RAB20: variants seen among roughly 807,000 people sequenced by gnomAD.
RAB20 encodes the protein ras-related protein Rab-20.
In RAB20, 2 loss-of-function variants were observed where a neutral mutation model predicts 3.7. The observed-to-expected ratio is 0.54, with a 90% CI of 0.22 to 1.69. The LOEUF (loss-of-function observed/expected upper bound fraction) is 1.69. Among genes scored for constraint, RAB20 ranks in the 40% most tolerant of loss-of-function variants. RAB20 has a pLI of 0.19. For synonymous variants in RAB20, 126 were observed against 130.8 expected (o/e 0.96, Z 0.25); for missense variants, 276 against 311.9 (o/e 0.88, Z 0.87).
intron 1 of RAB20, among the ~76,000 whole-genome samples, chr13:110,544,664 G>A (rs547753395): frequency 6.6e-5 from 10 of 152,318 alleles, no homozygotes; most frequent in African/African-American, 1.7e-4. Flanking sequence ...GCAGACAGAC[G>A]GGAATACTGG....
intron 1 of RAB20, among the ~76,000 whole-genome samples, chr13:110,536,507 C>T (rs1222138136): frequency 6.6e-6 from 1 of 152,114 alleles, no homozygotes; most frequent in African/African-American, 2.4e-5. Context: ...CGAGGAAAGC[C>T]GGGGAAGAAT....
At position 110,523,678 on chromosome 13, in the gene RAB20, C is replaced by A. The variant is rs1594126204; in HGVS notation, c.692G>T (p.Gly231Val). The change falls in exon 2 of 2, where the codon GGG (glycine) becomes GTG (valine). Residue 231 changes from glycine (G) to valine (V), a missense_variant. Gly to Val is a moderately radical substitution (Grantham distance 109). Coordinates refer to ENST00000267328, the MANE Select transcript of RAB20 (RefSeq NM_017817.3). The stretch of plus-strand genomic sequence containing the variant: ...GGCCCTCGAAAGTCAGGCACAACAC[C>A]CAGATCTGGTCCTCTTGGGTGGCTT... ...SHKPPKRTRSGCCA is the reference protein window; with the variant it reads ...SHKPPKRTRSVCCA 6.2e-7 allele frequency: 1 copy of A among 1,613,556 alleles called. No homozygotes were observed. Among genetic ancestry groups the A allele is most frequent in the East Asian group, 2.2e-5 (1 of 44,864 alleles).
chr13:110,540,128 C>T (rs1045691930), intron 1 of RAB20, among the ~76,000 whole-genome samples: 2 of 152,230 alleles, frequency 1.3e-5, no homozygotes, highest in Non-Finnish European at 2.9e-5. Flanking sequence ...AACCAAATTA[C>T]TCAGAGATGT....
chr13:110,543,644 T>C (rs1884802917), intron 1 of RAB20, among the ~76,000 whole-genome samples: 1 of 152,230 alleles, frequency 6.6e-6, no homozygotes, highest in African/African-American at 2.4e-5. Context: ...GCTTTTGTTC[T>C]CTGTGCTTTC....
chr13:110,558,574 G>A (rs1885078786), intron 1 of RAB20, among the ~76,000 whole-genome samples: 1 of 151,648 alleles, frequency 6.6e-6, no homozygotes, highest in Admixed American at 6.6e-5. Flanking sequence ...AGTAGACACG[G>A]GTTCACCACA....
intron 1 of RAB20, among the ~76,000 whole-genome samples, chr13:110,561,138 C>A (rs1008636482): frequency 6.6e-6 from 1 of 152,226 alleles, no homozygotes; most frequent in Non-Finnish European, 1.5e-5. Flanking sequence ...GGGTTCTCTG[C>A]AACTTGGGTT....
chr13:110,536,725 G>T lies in RAB20; in HGVS notation c.173-12528C>A, dbSNP rs1309883819. 6.3e-3 allele frequency among the ~76,000 whole-genome samples: 440 copies of T among 70,176 alleles called. 52 individuals carry two copies. Among genetic ancestry groups the T allele is most frequent in the Middle Eastern group, 0.011 (2 of 182 alleles). The allele number at this position is 70,176 out of a possible 152,430, so 46.0% of individuals were successfully genotyped here. On this transcript the variant is annotated intron_variant, in intron 1 of 1. Transcript: ENST00000267328. ...ATATCTAAAATGGCTTTTTTTTGGG[G>T]CGGTGGGGGGGGGTTGTTTTTATGT...
intron 1 of RAB20, among the ~76,000 whole-genome samples, chr13:110,529,382 C>T (rs950757232): frequency 2.6e-5 from 4 of 152,162 alleles, no homozygotes; most frequent in African/African-American, 9.7e-5. Flanking sequence ...CTTCAAAGTC[C>T]CTCTCCCTGG....
At chr13:110,560,077 T>C (rs1401995740) in intron 1 of RAB20, among the ~76,000 whole-genome samples, 3 of 152,032 alleles carry the variant, frequency 2.0e-5, no homozygotes, top group East Asian at 1.9e-4. Flanking sequence ...CAGAAGCAAA[T>C]TGGGTTCGTG....
At chr13:110,536,773 T>C (rs1884649170) in intron 1 of RAB20, among the ~76,000 whole-genome samples, 1 of 101,660 alleles carries the variant, frequency 9.8e-6, no homozygotes, top group African/African-American at 3.1e-5. Context: ...TACTTTTTTT[T>C]TTAATGGGAA....
chr13:110,541,282 G>C (rs908351834), intron 1 of RAB20, among the ~76,000 whole-genome samples: 1 of 152,176 alleles, frequency 6.6e-6, no homozygotes, highest in Non-Finnish European at 1.5e-5. Context: ...GCCTGGGTCT[G>C]TGGCACAGGG....
Position 110,561,567 on chromosome 13 carries a change from G to A in RAB20, c.-48C>T, listed in dbSNP as rs774153781. 1.3e-6 allele frequency: 2 copies of A among 1,503,406 alleles called. No individual in the cohort carries two copies. Among genetic ancestry groups the A allele is most frequent in the Non-Finnish European group, 1.8e-6 (2 of 1,128,892 alleles). The allele number at this position is 1,503,406 out of a possible 1,614,324, so 93.1% of individuals were successfully genotyped here. ...CCCCCGCGCCCTCTCCCCGAGGCTGGCCGGCTCGTGCGCCCTGGGCGCAGC... is the reference window on the plus strand; with the variant it reads ...CCCCCGCGCCCTCTCCCCGAGGCTGACCGGCTCGTGCGCCCTGGGCGCAGC... On this transcript the variant is annotated 5_prime_UTR_variant, in exon 1 of 2. Coordinates refer to ENST00000267328, the MANE Select transcript of RAB20 (RefSeq NM_017817.3).
intron 1 of RAB20, among the ~76,000 whole-genome samples, chr13:110,543,486 C>T (rs1460648569): frequency 1.3e-5 from 2 of 152,170 alleles, no homozygotes; most frequent in African/African-American, 4.8e-5. Context: ...GTTTGAGTTC[C>T]TTATATATTT....
chr13:110,559,551 G>A (rs1434526977), intron 1 of RAB20, among the ~76,000 whole-genome samples: 2 of 152,242 alleles, frequency 1.3e-5, no homozygotes, highest in African/African-American at 4.8e-5. Context: ...GGCCGCCTGA[G>A]TGTGTACACA....
chr13:110,537,408 CCTT>C (rs1566586369), intron 1 of RAB20, among the ~76,000 whole-genome samples: 2 of 151,958 alleles, frequency 1.3e-5, no homozygotes, highest in African/African-American at 4.8e-5. Context: ...AGTTCATTGT[CCTT>C]CTTCAGATAT....
intron 1 of RAB20, among the ~76,000 whole-genome samples, chr13:110,548,474 A>AGT (rs1555336167): frequency 1.3e-5 from 2 of 151,548 alleles, no homozygotes; most frequent in African/African-American, 4.9e-5. Context: ...AGAGAATGAA[A>AGT]CTGTCTCAAA....
rs1885042311 is a variant in RAB20 at position 110,556,556 on chromosome 13, C to T, written c.172+4792G>A. ...TTTTTATTTATTTATTCATTTGAGA[C>T]AGGGTCTTACTCTGTTGCCCAGGCT... On this transcript the variant is annotated intron_variant, in intron 1 of 1. Transcript: ENST00000267328. Among the ~76,000 whole-genome samples, 3 of 152,252 alleles carry T rather than the reference C, an allele frequency of 2.0e-5. No homozygotes were observed. In the South Asian group the frequency reaches 6.2e-4, roughly 32 times the overall value.
intron 1 of RAB20, among the ~76,000 whole-genome samples, chr13:110,558,487 G>A (rs960598140): frequency 1.3e-5 from 2 of 149,250 alleles, no homozygotes; most frequent in East Asian, 2.0e-4. Flanking sequence ...GGGTTCAAGC[G>A]ATTCTCCTGC....
rs76337836 is a variant in RAB20 at position 110,525,383 on chromosome 13, C to T, written c.173-1186G>A. 1.8e-3 allele frequency among the ~76,000 whole-genome samples: 279 copies of T among 152,182 alleles called. 1 individual carries two copies. Among genetic ancestry groups the T allele is most frequent in the African/African-American group, 6.5e-3 (271 of 41,430 alleles). ...TCAAATCAACCCGGGTCAGAATACA[C>T]TCCCCACAGGTAACACCTGCACATC... On this transcript the variant is annotated intron_variant, in intron 1 of 1. Transcript: ENST00000267328.
Sources: gnomAD v4.1 joint callset for allele counts (sites outside exome capture counted in the v4.1 genomes callset) on GRCh38, gnomAD v4.1.1 for gene constraint, MANE v1.5 for transcripts, NCBI Gene and HGNC (gene_info 2026-07-23, HGNC 2026-07-21) for gene names.